TTC39B: variants seen among roughly 807,000 people sequenced by gnomAD.
TTC39B encodes the protein tetratricopeptide repeat domain 39B.
A neutral mutation model predicts 96.6 loss-of-function variants in TTC39B; 92 were observed. The ratio of observed to expected loss-of-function variants is 0.95; its 90% CI spans 0.80 to 1.13. The LOEUF is 1.13. Ranked by LOEUF, TTC39B falls within the 50% of genes most tolerant of loss-of-function variation. The pLI, the probability that TTC39B is intolerant of heterozygous loss-of-function variation, is 0.00. For synonymous variants in TTC39B, 367 were observed against 299.4 expected, an observed-to-expected ratio of 1.23 and a Z score of -2.33; for missense variants, 955 against 809.3, an observed-to-expected ratio of 1.18 and a Z score of -2.18.
At chr9:15,210,563 AT>A (rs1820136399) in intron 5 of TTC39B, among the ~76,000 whole-genome samples, 1 of 152,174 alleles carries the variant, frequency 6.6e-6, no homozygotes, top group Non-Finnish European at 1.5e-5. Context: ...TCAGGATGTA[AT>A]TTCACCCATG....
chr9:15,213,148 C>A (rs1325382710), intron 4 of TTC39B, among the ~76,000 whole-genome samples: 1 of 151,636 alleles, frequency 6.6e-6, no homozygotes. Flanking sequence ...GGCAAGTAGG[C>A]TGAGAAAAGA....
chr9:15,202,825 C>A (rs1419184026), intron 7 of TTC39B, among the ~76,000 whole-genome samples: 1 of 152,072 alleles, frequency 6.6e-6, no homozygotes, highest in Non-Finnish European at 1.5e-5. Context: ...CCCACCTCAC[C>A]CTCACTGTAG....
chr9:15,181,166 C>T (rs1219171628), intron 17 of TTC39B, among the ~76,000 whole-genome samples: 2 of 152,174 alleles, frequency 1.3e-5, no homozygotes, highest in Non-Finnish European at 2.9e-5. Context: ...AGACAGTAGG[C>T]TGGGCTCCTG....
At chr9:15,267,805 A>G in intron 2 of TTC39B, 109 bp downstream of exon 2, 1 of 891,664 alleles carries the variant, frequency 1.1e-6, no homozygotes, top group South Asian at 1.6e-5. Context: ...TTTTTCTGAA[A>G]ATAGCCATTG....
exon 4 of TTC39B, chr9:15,214,212 C>T: frequency 1.9e-6 from 3 of 1,613,988 alleles, no homozygotes; most frequent in Admixed American, 1.7e-5. Context: ...GCACATTCTT[C>T]GAGGCCACTC....
intron 2 of TTC39B, among the ~76,000 whole-genome samples, chr9:15,258,350 G>T (rs1282739635): frequency 1.3e-5 from 2 of 152,182 alleles, no homozygotes; most frequent in Non-Finnish European, 2.9e-5. Flanking sequence ...CTTCTGACTT[G>T]AACAAATGGG....
In TTC39B at chr9:15,267,899, T is replaced by C; in HGVS notation, c.275+15A>G. Reference sequence around the variant, plus strand: ...TTTTTCCTTACTACATACTTTTTATTATGTTATTACTTACATTGAGATGGT... The same window carrying C: ...TTTTTCCTTACTACATACTTTTTATCATGTTATTACTTACATTGAGATGGT... On this transcript the variant is annotated intron_variant, in intron 2 of 19. Transcript: ENST00000512701. 6.2e-7 allele frequency: 1 copy of C among 1,602,246 alleles called. No homozygotes were observed. The highest frequency in any genetic ancestry group is 8.5e-7 in the Non-Finnish European group (1 of 1,174,616).
chr9:15,209,552 T>C (rs548846491), intron 6 of TTC39B, among the ~76,000 whole-genome samples: 3 of 152,222 alleles, frequency 2.0e-5, no homozygotes, highest in South Asian at 2.1e-4. Flanking sequence ...GGAATACCTA[T>C]AAATATTGTA....
At chr9:15,233,287 C>G (rs546458203) in intron 2 of TTC39B, among the ~76,000 whole-genome samples, 2 of 152,240 alleles carry the variant, frequency 1.3e-5, no homozygotes, top group African/African-American at 4.8e-5. Context: ...GCCATGACAC[C>G]GGAACACACG....
In TTC39B at chr9:15,225,899, C is replaced by T. The variant is rs776949455; in HGVS notation, c.371+18G>A. On this transcript the variant is annotated intron_variant, in intron 3 of 19. Coordinates refer to ENST00000512701, the Ensembl canonical transcript of TTC39B. ...GTCCTCCCCTCTTCCCCCAGGAATG[C>T]CCACAACCCTTCCTGACCTGCTGAC... is the stretch of plus-strand genomic sequence containing the variant. 4 of 1,608,534 alleles carry T rather than the reference C, an allele frequency of 2.5e-6. No individual in the cohort carries two copies. In the Admixed American group the frequency reaches 5.0e-5, roughly 20 times the overall value.
intron 2 of TTC39B, among the ~76,000 whole-genome samples, chr9:15,233,100 G>T (rs914467024): frequency 2.0e-5 from 3 of 152,274 alleles, no homozygotes; most frequent in Admixed American, 2.0e-4. Context: ...TTGGAGGCGG[G>T]GTCAGTCCAG....
intron 1 of TTC39B, among the ~76,000 whole-genome samples, chr9:15,291,639 T>G (rs944153575): frequency 6.6e-6 from 1 of 152,218 alleles, no homozygotes; most frequent in African/African-American, 2.4e-5. Context: ...TTATCCAACA[T>G]GTTTAAGTTC....
Position 15,192,574 on chromosome 9 carries a change from A to T in TTC39B, c.930+16T>A, listed in dbSNP as rs373184199. On this transcript the variant is annotated intron_variant, in intron 9 of 19. Coordinates refer to ENST00000512701, the Ensembl canonical transcript of TTC39B. ...CTTCTACAAAAGTTCTGGTTTCTAT[A>T]CAGTGATTTCCTTACCAAATTAAAG... is the stretch of plus-strand genomic sequence containing the variant. 1.8e-5 allele frequency: 29 copies of T among 1,598,068 alleles called. 1 individual carries two copies. In the Middle Eastern group the frequency reaches 5.0e-4, roughly 27 times the overall value.
intron 1 of TTC39B, among the ~76,000 whole-genome samples, chr9:15,292,527 T>G (rs1299456891): frequency 2.0e-5 from 3 of 152,156 alleles, no homozygotes; most frequent in African/African-American, 7.2e-5. Flanking sequence ...TCCTTCTACC[T>G]ATTAAAAAAA....
chr9:15,198,502 T>A (rs965670776), intron 8 of TTC39B, among the ~76,000 whole-genome samples: 1 of 149,398 alleles, frequency 6.7e-6, no homozygotes, highest in African/African-American at 2.5e-5. Context: ...AAGGGCAAAA[T>A]GTGGTAAATG....
At position 15,290,162 on chromosome 9, in the gene TTC39B, G is replaced by A. The variant is rs1474685282; in HGVS notation, c.240+16922C>T. Reference sequence around the variant, plus strand: ...CTAAAGTGAGAAAAAAATGGTTAGAGAAATCCTTATAGGATGATAGAAATG... The same window carrying A: ...CTAAAGTGAGAAAAAAATGGTTAGAAAAATCCTTATAGGATGATAGAAATG... On this transcript the variant is annotated intron_variant, in intron 1 of 19. Transcript: ENST00000512701. 2.0e-5 allele frequency among the ~76,000 whole-genome samples: 3 copies of A among 152,300 alleles called. No homozygotes were observed. The East Asian group carries it at 5.8e-4, about 29-fold the overall frequency.
At chr9:15,199,989 T>G in intron 7 of TTC39B, 64 bp from the exon 8 acceptor site, 1 of 841,898 alleles carries the variant, frequency 1.2e-6, no homozygotes, top group Non-Finnish European at 1.8e-6. Flanking sequence ...TCCCCACAGT[T>G]GTGTGTTTGT....
At chr9:15,174,013 G>C (rs530827562) in intron 19 of TTC39B, among the ~76,000 whole-genome samples, 140 of 152,222 alleles carry the variant, frequency 9.2e-4, no homozygotes, top group African/African-American at 3.3e-3. Context: ...TACCTAGTTG[G>C]TTGATTTCTG....
Position 15,238,448 on chromosome 9 carries a change from C to T in TTC39B, c.276-12436G>A, listed in dbSNP as rs144292537. On this transcript the variant is annotated intron_variant, in intron 2 of 19. Transcript: ENST00000512701. The stretch of plus-strand genomic sequence containing the variant: ...TTGATAAACAACTTCAGTAAAGATA[C>T]AAAATCAACGTACAAAAATCAGTAG... 3.3e-3 allele frequency among the ~76,000 whole-genome samples: 502 copies of T among 152,262 alleles called. 2 individuals are homozygous for T. Among genetic ancestry groups the T allele is most frequent in the South Asian group, 0.015 (71 of 4,826 alleles).
Sources: allele counts gnomAD v4.1 joint callset (sites outside exome capture counted in the v4.1 genomes callset), GRCh38; gene constraint gnomAD v4.1.1; transcripts MANE v1.5; gene names NCBI Gene and HGNC (gene_info 2026-07-23, HGNC 2026-07-21).